Variants in ITFG1 observed in about 807,000 individuals in gnomAD.
ITFG1 encodes the protein T-cell immunomodulatory protein.
ITFG1 carries 34 observed loss-of-function variants against 81.8 expected under a neutral mutation model. That is an observed-to-expected ratio of 0.42 (90% CI 0.32 to 0.55). The LOEUF (loss-of-function observed/expected upper bound fraction) is 0.55. Ranked by LOEUF, ITFG1 falls within the 20% of genes least tolerant of loss-of-function variation. The probability of loss-of-function intolerance (pLI) is 0.17; values close to 1 mark genes in which losing one functional copy is unlikely to be tolerated. For synonymous variants in ITFG1, 285 were observed against 270.6 expected, an observed-to-expected ratio of 1.05 and a Z score of -0.52; for missense variants, 672 against 755.4, an observed-to-expected ratio of 0.89 and a Z score of 1.29.
intron 10 of ITFG1, among the ~76,000 whole-genome samples, chr16:47,291,996 A>T (rs1400899019): frequency 6.7e-6 from 1 of 148,682 alleles, no homozygotes; most frequent in African/African-American, 2.5e-5. Context: ...ATGATATGGC[A>T]TTCATGATGC....
chr16:47,173,330 A>G (rs1964983108), intron 14 of ITFG1, among the ~76,000 whole-genome samples: 1 of 152,180 alleles, frequency 6.6e-6, no homozygotes, highest in East Asian at 1.9e-4. Flanking sequence ...TGCAATCTCT[A>G]TGAGGGCTGA....
At chr16:47,313,666 C>A in intron 9 of ITFG1, 63 bp downstream of exon 9, 1 of 853,294 alleles carries the variant, frequency 1.2e-6, no homozygotes. Flanking sequence ...CTTTTCTAAC[C>A]TTAGAAGATT....
intron 10 of ITFG1, among the ~76,000 whole-genome samples, chr16:47,298,816 C>T (rs1967025605): frequency 6.6e-6 from 1 of 152,122 alleles, no homozygotes; most frequent in Non-Finnish European, 1.5e-5. Flanking sequence ...GAGCAGGCTG[C>T]CATGATAGCA....
At chr16:47,330,530 T>TA (rs1312292480) in intron 8 of ITFG1, among the ~76,000 whole-genome samples, 1 of 151,302 alleles carries the variant, frequency 6.6e-6, no homozygotes, top group African/African-American at 2.4e-5. Flanking sequence ...ATCAACAGAG[T>TA]AAAAAGACAA....
intron 14 of ITFG1, among the ~76,000 whole-genome samples, chr16:47,181,539 C>T (rs1965121117): frequency 7.5e-6 from 1 of 132,908 alleles, no homozygotes; most frequent in Admixed American, 7.1e-5. Flanking sequence ...GCCTCCCCGT[C>T]TGGCAGGGAG....
At chr16:47,199,336 T>C (rs970458545) in intron 14 of ITFG1, among the ~76,000 whole-genome samples, 3 of 152,072 alleles carry the variant, frequency 2.0e-5, no homozygotes, top group African/African-American at 7.2e-5. Flanking sequence ...ATGCAGTGTG[T>C]ATAAAATATA....
chr16:47,260,750 G>A (rs576075870), intron 10 of ITFG1, 55 bp from the exon 11 acceptor site: 12 of 1,552,702 alleles, frequency 7.7e-6, no homozygotes, highest in East Asian at 6.7e-5. Flanking sequence ...CTGTGGCATC[G>A]GCTCTGTAGT....
intron 1 of ITFG1, among the ~76,000 whole-genome samples, chr16:47,459,772 T>C (rs759099898): frequency 1.3e-5 from 2 of 152,176 alleles, no homozygotes; most frequent in Non-Finnish European, 2.9e-5. Flanking sequence ...AGGCCATCTT[T>C]AAAGTCAAGG....
Position 47,250,529 on chromosome 16 carries a change from T to C in ITFG1, c.1330+8103A>G, listed in dbSNP as rs572312738. Among the ~76,000 whole-genome samples the C allele has an allele frequency of 4.6e-5, 7 of 152,230 alleles. No individual in the cohort carries two copies. In the East Asian group the frequency reaches 7.7e-4, roughly 17 times the overall value. ...TTAATAATTTCACAAGGTATACATA[T>C]ACTAAAATATCATATTGTACCCCTT... On this transcript the variant is annotated intron_variant, in intron 12 of 17. Coordinates refer to ENST00000320640, the MANE Select transcript of ITFG1 (RefSeq NM_030790.5).
At chr16:47,329,073 T>C (rs1410306350) in intron 8 of ITFG1, among the ~76,000 whole-genome samples, 3 of 152,134 alleles carry the variant, frequency 2.0e-5, no homozygotes, top group Non-Finnish European at 4.4e-5. Context: ...TTCCTTCTTA[T>C]TATGATTAGA....
chr16:47,454,014 T>C lies in ITFG1; in HGVS notation c.426A>G (p.Leu142=). 1 of 1,584,920 alleles carries C rather than the reference T, an allele frequency of 6.3e-7. No individual in the cohort carries two copies. The highest frequency in any genetic ancestry group is 8.6e-7 in the Non-Finnish European group (1 of 1,164,814). ...AVIFWGQNQT[L]DPNNMTILNR... Reference sequence around the variant, plus strand: ...TAAAAATTTTTAAAACAAATTCACCTAATGTTTGATTTTGTCCCCAGAAGA... The same window carrying C: ...TAAAAATTTTTAAAACAAATTCACCCAATGTTTGATTTTGTCCCCAGAAGA... The change falls in exon 3 of 18, where the codon TTA becomes TTG. Residue 142 remains leucine, a splice_region_variant and synonymous_variant. Coordinates refer to ENST00000320640, the MANE Select transcript of ITFG1 (RefSeq NM_030790.5).
intron 10 of ITFG1, among the ~76,000 whole-genome samples, chr16:47,302,770 C>T (rs935065637): frequency 6.6e-6 from 1 of 152,160 alleles, no homozygotes; most frequent in African/African-American, 2.4e-5. Flanking sequence ...GAAATTATGA[C>T]ACTAAGCCAG....
upstream of ITFG1, chr16:47,461,148 G>GT: frequency 1.7e-6 from 2 of 1,181,376 alleles, no homozygotes; most frequent in Non-Finnish European, 1.2e-6. Context: ...CCCGGGACGC[G>GT]TAAGAGCCGC....
At chr16:47,410,875 C>A (rs1968801940) in intron 6 of ITFG1, among the ~76,000 whole-genome samples, 2 of 152,144 alleles carry the variant, frequency 1.3e-5, no homozygotes, top group African/African-American at 2.4e-5. Flanking sequence ...GGACCCATTC[C>A]CCAAGGCTCT....
intron 14 of ITFG1, among the ~76,000 whole-genome samples, chr16:47,179,246 T>C (rs991673096): frequency 2.6e-5 from 4 of 152,258 alleles, no homozygotes; most frequent in Non-Finnish European, 4.4e-5. Flanking sequence ...CAAAGAATTA[T>C]AAATCATGCT....
chr16:47,237,761 G>C (rs12599047), intron 13 of ITFG1, among the ~76,000 whole-genome samples: 11 of 152,044 alleles, frequency 7.2e-5, no homozygotes, highest in African/African-American at 1.4e-4. Context: ...ATCAGAAAAG[G>C]CTTCATAAAG....
At chr16:47,230,299 G>A (rs1965801316) in intron 13 of ITFG1, among the ~76,000 whole-genome samples, 1 of 152,180 alleles carries the variant, frequency 6.6e-6, no homozygotes, top group Non-Finnish European at 1.5e-5. Context: ...AGGCAGCCGA[G>A]AAAAGGGAGT....
At chr16:47,165,999 C>T (rs1286654895) in intron 14 of ITFG1, among the ~76,000 whole-genome samples, 1 of 152,198 alleles carries the variant, frequency 6.6e-6, no homozygotes, top group Non-Finnish European at 1.5e-5. Context: ...AAAAGTAGTT[C>T]AGGCCATGAC....
intron 6 of ITFG1, among the ~76,000 whole-genome samples, chr16:47,405,017 A>G (rs1968710396): frequency 6.6e-6 from 1 of 152,128 alleles, no homozygotes; most frequent in African/African-American, 2.4e-5. Flanking sequence ...TTGGAACTCA[A>G]TTCATGGCTG....
Sources: gnomAD v4.1 joint callset for allele counts (sites outside exome capture counted in the v4.1 genomes callset) on GRCh38, gnomAD v4.1.1 for gene constraint, MANE v1.5 for transcripts, NCBI Gene and HGNC (gene_info 2026-07-23, HGNC 2026-07-21) for gene names.